DPP10: variants seen among roughly 807,000 people sequenced by gnomAD.
DPP10 encodes inactive dipeptidyl peptidase 10.
Under a neutral mutation model 120.9 loss-of-function variants are expected in DPP10, and 33 were observed. That is an observed-to-expected ratio of 0.27 (90% CI 0.21 to 0.37). The LOEUF is 0.37. Among genes scored for constraint, DPP10 ranks in the 10% least tolerant of loss-of-function variants. DPP10 has a pLI of 1.00. For missense variants in DPP10, 816 were observed against 942.8 expected (o/e 0.87, Z 1.76); for synonymous variants, 337 against 326.1 (o/e 1.03, Z -0.36).
At chr2:115,343,026 C>T (rs2063526133) in intron 2 of DPP10, among the ~76,000 whole-genome samples, 2 of 152,104 alleles carry the variant, frequency 1.3e-5, no homozygotes, top group African/African-American at 2.4e-5. Context: ...GCTGAAAGGT[C>T]ACAAAGATGA....
chr2:114,818,978 T>C (rs1685863193), intron 1 of DPP10, among the ~76,000 whole-genome samples: 1 of 152,152 alleles, frequency 6.6e-6, no homozygotes, highest in African/African-American at 2.4e-5. Flanking sequence ...AATTACTACT[T>C]GTTTTCATTA....
intron 21 of DPP10, among the ~76,000 whole-genome samples, chr2:115,818,894 A>G (rs1488678766): frequency 6.7e-6 from 1 of 148,586 alleles, no homozygotes; most frequent in African/African-American, 2.5e-5. Flanking sequence ...AAAAATATGA[A>G]TGACTTCATC....
intron 1 of DPP10, among the ~76,000 whole-genome samples, chr2:114,449,247 T>C (rs1466024228): frequency 2.0e-5 from 3 of 152,156 alleles, no homozygotes; most frequent in Admixed American, 2.0e-4. Flanking sequence ...GAATGTTCTT[T>C]GGCCCGTAGA....
intron 1 of DPP10, among the ~76,000 whole-genome samples, chr2:115,004,716 C>G (rs866660926): frequency 6.6e-6 from 1 of 152,186 alleles, no homozygotes. Context: ...TCGGAGGGTC[C>G]TACCCCATGG....
At chr2:115,841,363 A>C (rs1417747548) in intron 25 of DPP10, among the ~76,000 whole-genome samples, 1 of 152,210 alleles carries the variant, frequency 6.6e-6, no homozygotes, top group Non-Finnish European at 1.5e-5. Flanking sequence ...ATATATATTT[A>C]TCAAGGACAT....
intron 1 of DPP10, among the ~76,000 whole-genome samples, chr2:114,784,972 T>A (rs1406712563): frequency 4.6e-5 from 7 of 152,224 alleles, no homozygotes; most frequent in Non-Finnish European, 1.0e-4. Flanking sequence ...GTTTTTCAAG[T>A]CTTCCCCATT....
chr2:115,102,583 G>A (rs2048742701), intron 1 of DPP10, among the ~76,000 whole-genome samples: 4 of 151,640 alleles, frequency 2.6e-5, no homozygotes, highest in Admixed American at 1.3e-4. Flanking sequence ...GCTAATTTTT[G>A]TATTTTTAGT....
chr2:115,092,814 G>A (rs1345636420), intron 1 of DPP10, among the ~76,000 whole-genome samples: 1 of 152,078 alleles, frequency 6.6e-6, no homozygotes, highest in Non-Finnish European at 1.5e-5. Flanking sequence ...AAGTGATGAA[G>A]TATTATAACT....
intron 1 of DPP10, among the ~76,000 whole-genome samples, chr2:114,898,621 T>C (rs1004233295): frequency 2.0e-5 from 3 of 152,178 alleles, no homozygotes; most frequent in African/African-American, 7.2e-5. Flanking sequence ...ATTTAGTCAA[T>C]ACTTACATAG....
intron 1 of DPP10, among the ~76,000 whole-genome samples, chr2:114,757,282 G>A (rs1261077106): frequency 6.9e-6 from 1 of 145,032 alleles, no homozygotes; most frequent in African/African-American, 2.6e-5. Flanking sequence ...AGGAAAGAAT[G>A]GGGGCGAGAG....
chr2:114,718,400 GAAAAAAA>G lies in DPP10; in HGVS notation c.60+275581_60+275587del, dbSNP rs71297184. Among the ~76,000 whole-genome samples, 165 of 81,194 alleles carry G rather than the reference GAAAAAAA, an allele frequency of 2.0e-3. 1 individual carries two copies. The highest frequency in any genetic ancestry group is 8.5e-3 in the Middle Eastern group (1 of 118). The allele number at this position is 81,194 out of a possible 152,430, so 53.3% of individuals were successfully genotyped here. ...TGGGCGAGAGTGAGAGACTCTGTTT[GAAAAAAA>G]AAAAAAAAAAAAAAAAAATTAGTTC... On this transcript the variant is annotated intron_variant, in intron 1 of 25. Coordinates refer to ENST00000410059, the MANE Select transcript of DPP10 (RefSeq NM_020868.6).
Position 115,434,688 on chromosome 2 carries a change from G to A in DPP10, c.272-64822G>A, listed in dbSNP as rs75803811. Reference sequence around the variant, plus strand: ...TGTATCTTTTCTTGGTGTTGGGAACGTTTCAGTTCTTCTCTTCTTGCTTCT... The same window carrying A: ...TGTATCTTTTCTTGGTGTTGGGAACATTTCAGTTCTTCTCTTCTTGCTTCT... On this transcript the variant is annotated intron_variant, in intron 3 of 25. Coordinates refer to ENST00000410059, the MANE Select transcript of DPP10 (RefSeq NM_020868.6). Among the ~76,000 whole-genome samples the A allele has an allele frequency of 1.8e-3, 270 of 151,720 alleles. 1 individual carries two copies. The highest frequency in any genetic ancestry group is 6.2e-3 in the African/African-American group (259 of 41,454).
intron 1 of DPP10, among the ~76,000 whole-genome samples, chr2:114,510,528 C>T (rs113924600): frequency 0.017 from 2,582 of 152,136 alleles, 73 homozygotes; most frequent in African/African-American, 0.058. Context: ...TGCTTGAACC[C>T]GGGAGGCAGA....
intron 1 of DPP10, among the ~76,000 whole-genome samples, chr2:114,953,455 GT>G (rs1179185889): frequency 6.6e-6 from 1 of 152,040 alleles, no homozygotes; most frequent in Non-Finnish European, 1.5e-5. Context: ...CTATGGAATA[GT>G]TTTTCTTGCT....
intron 1 of DPP10, among the ~76,000 whole-genome samples, chr2:114,908,601 T>C (rs1409913136): frequency 6.6e-6 from 1 of 151,884 alleles, no homozygotes; most frequent in African/African-American, 2.4e-5. Context: ...GTGCTACTAT[T>C]GAATATTTTA....
chr2:115,503,003 C>T lies in DPP10; in HGVS notation c.366+3399C>T, dbSNP rs2076763168. Among the ~76,000 whole-genome samples the T allele has an allele frequency of 2.0e-5, 3 of 151,950 alleles. No homozygotes were observed. The South Asian group carries it at 6.2e-4, about 32-fold the overall frequency. Reference sequence around the variant, plus strand: ...TAAGAGTGAGTCACAGAGCTTGGCCCCCTAGAATATATATCTTATGCATTA... The same window carrying T: ...TAAGAGTGAGTCACAGAGCTTGGCCTCCTAGAATATATATCTTATGCATTA... On this transcript the variant is annotated intron_variant, in intron 4 of 25. Transcript: ENST00000410059.
intron 1 of DPP10, among the ~76,000 whole-genome samples, chr2:115,304,148 T>A (rs1274087198): frequency 6.6e-6 from 1 of 151,986 alleles, no homozygotes; most frequent in African/African-American, 2.4e-5. Context: ...TAAAAGACAG[T>A]TCAAACTTTT....
At chr2:115,649,955 C>T (rs2087603484) in intron 5 of DPP10, among the ~76,000 whole-genome samples, 2 of 151,926 alleles carry the variant, frequency 1.3e-5, no homozygotes, top group African/African-American at 2.4e-5. Context: ...AAAACTAAGA[C>T]ATATGTGTTT....
intron 1 of DPP10, among the ~76,000 whole-genome samples, chr2:115,301,157 A>T (rs1490094587): frequency 6.6e-6 from 1 of 151,926 alleles, no homozygotes; most frequent in Non-Finnish European, 1.5e-5. Flanking sequence ...TCCGTCCCTA[A>T]GAGTTTCACC....
Sources: allele counts gnomAD v4.1 joint callset (sites outside exome capture counted in the v4.1 genomes callset), GRCh38; gene constraint gnomAD v4.1.1; transcripts MANE v1.5; gene names NCBI Gene and HGNC (gene_info 2026-07-23, HGNC 2026-07-21).